DNAH17: variants seen among roughly 807,000 people sequenced by gnomAD.
DNAH17 encodes the protein axonemal beta dynein heavy chain 17.
A neutral mutation model predicts 485.6 loss-of-function variants in DNAH17; 376 were observed. The ratio of observed to expected loss-of-function variants is 0.77; its 90% CI spans 0.71 to 0.84. The LOEUF is 0.84. DNAH17 is among the 40% of genes least tolerant of loss of function. The pLI, the probability that DNAH17 is intolerant of heterozygous loss-of-function variation, is 0.00. For missense variants in DNAH17, 6,370 were observed against 5,839.3 expected, an observed-to-expected ratio of 1.09 and a Z score of -2.96; for synonymous variants, 3,031 against 2,405.9, an observed-to-expected ratio of 1.26 and a Z score of -7.60.
In DNAH17 at chr17:78,454,462, G is replaced by A. The variant is rs747100351; in HGVS notation, c.10406+8C>T. The stretch of plus-strand genomic sequence containing the variant: ...GGGCTTCGGCCCAGGTCCTGCGCCC[G>A]CACACACCTCTTCTGTCCCAGGCGG... On this transcript the variant is annotated splice_region_variant and intron_variant, in intron 64 of 80. Transcript: ENST00000389840. 8.7e-6 allele frequency: 14 copies of A among 1,605,736 alleles called. No homozygotes were observed. The highest frequency in any genetic ancestry group is 6.7e-5 in the South Asian group (6 of 89,788).
chr17:78,528,763 G>A (rs997171629), intron 22 of DNAH17, among the ~76,000 whole-genome samples: 2 of 152,066 alleles, frequency 1.3e-5, no homozygotes, highest in African/African-American at 2.4e-5. Context: ...CACGCTGACA[G>A]CTGAGGTTCT....
chr17:78,538,027 G>A (rs988249103), intron 18 of DNAH17, among the ~76,000 whole-genome samples: 1 of 150,498 alleles, frequency 6.6e-6, no homozygotes, highest in Non-Finnish European at 1.5e-5. Context: ...TGGAACCCCA[G>A]CTACTCGGGA....
rs565338070 is a variant in DNAH17 at position 78,529,784 on chromosome 17, G to A, written c.3285-90C>T. The stretch of plus-strand genomic sequence containing the variant: ...AGCCCCATGAGAGGGGGACGACCGC[G>A]GTGAGGTCAACTGGCCATCACTGAA... On this transcript the variant is annotated intron_variant, in intron 21 of 80. Transcript: ENST00000389840. The A allele has an allele frequency of 4.4e-5, 58 of 1,310,296 alleles. No individual in the cohort carries two copies. In the East Asian group the frequency reaches 8.6e-4, roughly 19 times the overall value. The allele number at this position is 1,310,296 out of a possible 1,614,324, so 81.2% of individuals were successfully genotyped here. A position where few individuals can be genotyped will look rare whatever the true frequency, so the allele number is the denominator to read the frequency against.
At chr17:78,501,020 G>C (rs188452647) in intron 35 of DNAH17, 164 bp downstream of exon 35, 2 of 783,468 alleles carry the variant, frequency 2.6e-6, no homozygotes, top group Non-Finnish European at 3.7e-6. Flanking sequence ...GCCGGTGCTA[G>C]AACAAGGACA....
At position 78,429,303 on chromosome 17, in the gene DNAH17, G is replaced by A. The variant is rs769448559; in HGVS notation, c.12226-3C>T. 1 of 1,612,104 alleles carries A rather than the reference G, an allele frequency of 6.2e-7. No homozygotes were observed. The highest frequency in any genetic ancestry group is 1.1e-5 in the South Asian group (1 of 91,032). ...TAGCGGAGATCGTCCCAGGGCACCT[G>A]AGGAAGGATGACAGCGGGTAGGGGA... is the stretch of plus-strand genomic sequence containing the variant. On this transcript the variant is annotated splice_region_variant and splice_polypyrimidine_tract_variant and intron_variant, in intron 75 of 80. Transcript: ENST00000389840.
chr17:78,439,377 C>T (rs974373710), intron 72 of DNAH17, among the ~76,000 whole-genome samples, 160 bp from the exon 73 acceptor site: 2 of 152,190 alleles, frequency 1.3e-5, no homozygotes, highest in East Asian at 1.9e-4. Flanking sequence ...CATCTTAAAG[C>T]GTACAGTGCA....
At chr17:78,435,184 C>G (rs567754406) in intron 74 of DNAH17, among the ~76,000 whole-genome samples, 2 of 152,166 alleles carry the variant, frequency 1.3e-5, no homozygotes, top group African/African-American at 4.8e-5. Flanking sequence ...GCAGTGAACA[C>G]GTGGAGAGCC....
Position 78,507,547 on chromosome 17 carries a change from G to A in DNAH17, c.4495C>T (p.Leu1499=), listed in dbSNP as rs1283955282. 2 of 1,614,024 alleles carry A rather than the reference G, an allele frequency of 1.2e-6. No homozygotes were observed. The highest frequency in any genetic ancestry group is 1.7e-6 in the Non-Finnish European group (2 of 1,179,878). The change falls in exon 28 of 81, where the codon CTG becomes TTG. Residue 1499 remains leucine (L), a synonymous_variant. Coordinates refer to ENST00000389840, the MANE Select transcript of DNAH17 (RefSeq NM_173628.4). ...WFEVQRTWSH[L]ESIFIGSEDI... The stretch of plus-strand genomic sequence containing the variant: ...TCGGAGCCGATGAAGATGCTCTCCA[G>A]GTGGCTCCAGGTTCGCTGGACCTCA...
In DNAH17 at chr17:78,486,000, T is replaced by G; in HGVS notation, c.7235A>C (p.Lys2412Thr). ...DTKKFLPWTDKVPSFELDPDV... is the reference protein window; with the variant it reads ...DTKKFLPWTDTVPSFELDPDV... ...GGGATCCAGCTCAAAGGAGGGCACT[T>G]TATCTGTCCAGGGCAGGAACTTTTT... The change falls in exon 46 of 81, where the codon AAA (lysine) becomes ACA (threonine). Residue 2412 changes from lysine (K) to threonine (T), a missense_variant. Physicochemically the swap from Lys to Thr is moderately conservative, Grantham distance 78. Coordinates refer to ENST00000389840, the MANE Select transcript of DNAH17 (RefSeq NM_173628.4). 1.2e-6 allele frequency: 2 copies of G among 1,613,780 alleles called. No homozygotes were observed. Among genetic ancestry groups the G allele is most frequent in the Non-Finnish European group, 1.7e-6 (2 of 1,179,878 alleles).
At chr17:78,503,043 C>T (rs371104347) in intron 31 of DNAH17, 32 bp from the exon 32 acceptor site, 8 of 1,592,832 alleles carry the variant, frequency 5.0e-6, no homozygotes, top group Non-Finnish European at 6.8e-6. Context: ...ACCAATACAG[C>T]CATGTGTGCC....
chr17:78,560,996 C>G, intron 12 of DNAH17, 61 bp from the exon 13 acceptor site: 1 of 1,472,056 alleles, frequency 6.8e-7, no homozygotes, highest in African/African-American at 1.4e-5. Context: ...GTCTTCGGCA[C>G]GTCCCATCGT....
intron 16 of DNAH17, among the ~76,000 whole-genome samples, chr17:78,547,723 T>C (rs1255161100): frequency 1.3e-5 from 2 of 151,854 alleles, no homozygotes; most frequent in Non-Finnish European, 2.9e-5. Flanking sequence ...GTTCAAGCAA[T>C]TCTCCTGCCT....
At chr17:78,502,526 G>A (rs1169509090) in intron 33 of DNAH17, 65 bp downstream of exon 33, 27 of 1,434,356 alleles carry the variant, frequency 1.9e-5, no homozygotes, top group African/African-American at 1.0e-4. Flanking sequence ...AAGGATACAC[G>A]GGCCCATGCA....
intron 69 of DNAH17, 135 bp downstream of exon 69, chr17:78,449,279 A>G: frequency 1.2e-6 from 1 of 830,644 alleles, no homozygotes; most frequent in Admixed American, 2.5e-5. Flanking sequence ...TCACCTGGGT[A>G]TATTGCTAAA....
chr17:78,493,994 C>T, intron 41 of DNAH17, 42 bp downstream of exon 41: 1 of 1,587,352 alleles, frequency 6.3e-7, no homozygotes, highest in Non-Finnish European at 8.6e-7. Flanking sequence ...CCCTCCCCCA[C>T]CATGCCGGAT....
At position 78,506,765 on chromosome 17, in the gene DNAH17, C is replaced by G; in HGVS notation, c.4758G>C (p.Ser1586=). Residue 1586 remains serine (S), a synonymous_variant, in exon 30 of 81, where the codon TCG becomes TCC. Transcript: ENST00000389840. ...TGGAGAGAATGTCCAGGAGGTCAGCCGAGGAGACAAAATAGAACCGGGGGA... is the reference window on the plus strand; with the variant it reads ...TGGAGAGAATGTCCAGGAGGTCAGCGGAGGAGACAAAATAGAACCGGGGGA... The part of the protein sequence containing the change: ...LAFPRFYFVS[S]ADLLDILSNG... The G allele has an allele frequency of 6.2e-7, 1 of 1,613,902 alleles. No homozygotes were observed. Among genetic ancestry groups the G allele is most frequent in the Non-Finnish European group, 8.5e-7 (1 of 1,179,870 alleles).
intron 30 of DNAH17, among the ~76,000 whole-genome samples, chr17:78,506,252 A>G (rs1378321737): frequency 1.3e-5 from 2 of 149,434 alleles, no homozygotes; most frequent in African/African-American, 4.9e-5. Flanking sequence ...AGCAATTATC[A>G]TGCCACAGCC....
chr17:78,560,806 G>C lies in DNAH17; in HGVS notation c.1965C>G (p.Asn655Lys). The C allele has an allele frequency of 1.3e-6, 2 of 1,551,892 alleles. No individual in the cohort carries two copies. Among genetic ancestry groups the C allele is most frequent in the Non-Finnish European group, 8.7e-7 (1 of 1,147,176 alleles). Reference protein sequence around the residue: ...VAGVDQDCHFNLGQPLILRDA... With the variant: ...VAGVDQDCHFKLGQPLILRDA... ...CCCGCAGAATCAGCGGCTGCCCCAGGTTAAAGTGGCAGTCCTGGTCCACGC... is the reference window on the plus strand; with the variant it reads ...CCCGCAGAATCAGCGGCTGCCCCAGCTTAAAGTGGCAGTCCTGGTCCACGC... Residue 655 changes from asparagine to lysine, a missense_variant, in exon 13 of 81, where the codon AAC (asparagine) becomes AAG (lysine). By Grantham distance (94) the Asn-to-Lys change is moderately conservative (BLOSUM62 0). Coordinates refer to ENST00000389840, the MANE Select transcript of DNAH17 (RefSeq NM_173628.4).
chr17:78,441,291 A>G, intron 71 of DNAH17, 92 bp from the exon 72 acceptor site: 2 of 1,444,118 alleles, frequency 1.4e-6, no homozygotes, highest in South Asian at 1.3e-5. Context: ...CAGGGGGGCC[A>G]TTTTTTGGTG....
Sources: gnomAD v4.1 joint callset for allele counts (sites outside exome capture counted in the v4.1 genomes callset) on GRCh38, gnomAD v4.1.1 for gene constraint, MANE v1.5 for transcripts, NCBI Gene and HGNC (gene_info 2026-07-23, HGNC 2026-07-21) for gene names.